The following WDPCP variants were observed in gnomAD, a reference collection of about 807,000 sequenced individuals.
The protein encoded by WDPCP is WD repeat-containing and planar cell polarity effector protein fritz homolog.
WDPCP carries 71 observed loss-of-function variants against 93.1 expected under a neutral mutation model. That is an observed-to-expected ratio of 0.76 (90% CI 0.63 to 0.93). The LOEUF (loss-of-function observed/expected upper bound fraction) is 0.93, where lower values mean the gene tolerates loss of function less well. Ranked by LOEUF, WDPCP falls within the 40% of genes least tolerant of loss-of-function variation. WDPCP has a pLI of 0.00. For missense variants in WDPCP, 844 were observed against 887.4 expected, an observed-to-expected ratio of 0.95 and a Z score of 0.62; for synonymous variants, 315 against 315.0, an observed-to-expected ratio of 1.00 and a Z score of 0.00.
intron 1 of WDPCP, among the ~76,000 whole-genome samples, chr2:63,499,265 C>A (rs1701404377): frequency 6.6e-6 from 1 of 151,854 alleles, no homozygotes; most frequent in African/African-American, 2.4e-5. Context: ...GGAACAATAC[C>A]CAAAAGAATA....
chr2:63,572,701 C>CAAAAAAAAAAAAAAAAAAAAAAAAAAA lies in WDPCP; in HGVS notation c.75+15495_75+15496insTTTTTTTTTTTTTTTTTTTTTTTTTTT. On this transcript the variant is annotated intron_variant, in intron 1 of 17. Transcript: ENST00000272321. ...TGGGTGACAGAGTGAGACTCTGTCT[C>CAAAAAAAAAAAAAAAAAAAAAAAAAAA]AAAAAAAAAAAAAAAAAAAAAAAAA... 8.1e-4 allele frequency among the ~76,000 whole-genome samples: 20 copies of CAAAAAAAAAAAAAAAAAAAAAAAAAAA among 24,776 alleles called. 1 individual carries two copies. The highest frequency in any genetic ancestry group is 1.1e-3 in the African/African-American group (5 of 4,578). 16.3% of individuals were successfully genotyped at this position (24,776 alleles called of 152,430 possible).
At chr2:63,355,725 C>T (rs976563792) in intron 12 of WDPCP, among the ~76,000 whole-genome samples, 7 of 151,928 alleles carry the variant, frequency 4.6e-5, no homozygotes, top group Non-Finnish European at 8.8e-5. Flanking sequence ...CCCATCTCTA[C>T]TGAAATATAA....
At chr2:63,393,618 C>T (rs938859583) in intron 10 of WDPCP, among the ~76,000 whole-genome samples, 12 of 151,742 alleles carry the variant, frequency 7.9e-5, no homozygotes, top group East Asian at 1.9e-4. Context: ...ATAGCTAACA[C>T]GATCCTAAAC....
intron 1 of WDPCP, among the ~76,000 whole-genome samples, chr2:63,587,638 T>C (rs1289863478): frequency 6.6e-6 from 1 of 152,256 alleles, no homozygotes; most frequent in Non-Finnish European, 1.5e-5. Context: ...ATCTTCCTTT[T>C]AACATCCACA....
chr2:63,328,561 C>A (rs1213334909), intron 12 of WDPCP, among the ~76,000 whole-genome samples: 2 of 152,142 alleles, frequency 1.3e-5, no homozygotes, highest in African/African-American at 4.8e-5. Flanking sequence ...CATGAAGGAA[C>A]AAATTCTGGA....
intron 14 of WDPCP, among the ~76,000 whole-genome samples, chr2:63,222,729 C>T (rs1021676208): frequency 1.3e-5 from 2 of 152,142 alleles, no homozygotes; most frequent in African/African-American, 4.8e-5. Context: ...ATTTTGTGTA[C>T]AGGTATAAGC....
intron 6 of WDPCP, among the ~76,000 whole-genome samples, chr2:63,473,733 C>T (rs897961640): frequency 6.6e-6 from 1 of 151,938 alleles, no homozygotes. Context: ...CATTGCTTTA[C>T]TATAATTTAG....
At chr2:63,132,794 A>G (rs1176237471) in intron 17 of WDPCP, among the ~76,000 whole-genome samples, 2 of 152,060 alleles carry the variant, frequency 1.3e-5, no homozygotes, top group African/African-American at 4.8e-5. Flanking sequence ...CTGTTTGAAC[A>G]TATTTAAAAC....
intron 12 of WDPCP, among the ~76,000 whole-genome samples, chr2:63,375,964 T>C (rs1435015038): frequency 2.6e-5 from 4 of 151,956 alleles, no homozygotes; most frequent in Non-Finnish European, 5.9e-5. Flanking sequence ...GGATATTCCA[T>C]TGTCTAATAT....
At chr2:63,755,582 C>A (rs576126683) in intron 2 of WDPCP, among the ~76,000 whole-genome samples, 28 of 152,188 alleles carry the variant, frequency 1.8e-4, no homozygotes, top group African/African-American at 6.5e-4. Flanking sequence ...CTTTATGTAC[C>A]CAAACCTACA....
chr2:63,161,475 T>A (rs930275384), intron 15 of WDPCP, among the ~76,000 whole-genome samples: 4 of 152,216 alleles, frequency 2.6e-5, no homozygotes, highest in Non-Finnish European at 5.9e-5. Context: ...AAAGGACATT[T>A]CTGGCTGTTC....
intron 2 of WDPCP, among the ~76,000 whole-genome samples, chr2:63,765,846 G>A (rs535374532): frequency 1.3e-4 from 20 of 152,304 alleles, no homozygotes; most frequent in Admixed American, 3.9e-4. Flanking sequence ...TTGTAGGAAG[G>A]ATGCAGCCAT....
chr2:63,787,267 G>A (rs1670481168), intron 2 of WDPCP, among the ~76,000 whole-genome samples: 1 of 152,192 alleles, frequency 6.6e-6, no homozygotes, highest in Non-Finnish European at 1.5e-5. Context: ...GTGCCTTCAG[G>A]ATAGAAGAGA....
chr2:63,462,242 T>C (rs1699064726), intron 6 of WDPCP, among the ~76,000 whole-genome samples: 1 of 152,132 alleles, frequency 6.6e-6, no homozygotes, highest in Admixed American at 6.5e-5. Context: ...CAGCAAGCTA[T>C]CACAAGGACA....
At chr2:63,611,914 A>G (rs1200617914) in intron 3 of WDPCP, among the ~76,000 whole-genome samples, 1 of 152,232 alleles carries the variant, frequency 6.6e-6, no homozygotes, top group Non-Finnish European at 1.5e-5. Flanking sequence ...AGCACAATTG[A>G]GTAAAGCACT....
chr2:63,266,178 A>G (rs928739178), intron 13 of WDPCP, among the ~76,000 whole-genome samples: 1 of 152,234 alleles, frequency 6.6e-6, no homozygotes, highest in Non-Finnish European at 1.5e-5. Flanking sequence ...ATGGAAAAGA[A>G]ATAAAAAGTA....
At chr2:63,620,550 C>A (rs1709724078) in intron 3 of WDPCP, among the ~76,000 whole-genome samples, 1 of 152,214 alleles carries the variant, frequency 6.6e-6, no homozygotes, top group Non-Finnish European at 1.5e-5. Flanking sequence ...AAATTCCCAT[C>A]TCCCTGGGAC....
At chr2:63,203,210 C>T (rs1676058832) in intron 14 of WDPCP, among the ~76,000 whole-genome samples, 1 of 151,870 alleles carries the variant, frequency 6.6e-6, no homozygotes, top group African/African-American at 2.4e-5. Context: ...TAGATCTTTA[C>T]AGAGTATATG....
At chr2:63,688,815 C>T (rs987025731) in intron 2 of WDPCP, among the ~76,000 whole-genome samples, 1 of 151,968 alleles carries the variant, frequency 6.6e-6, no homozygotes, top group Non-Finnish European at 1.5e-5. Flanking sequence ...ATTTGATTGC[C>T]AATATAATGA....
Sources: allele counts gnomAD v4.1 joint callset (sites outside exome capture counted in the v4.1 genomes callset), GRCh38; gene constraint gnomAD v4.1.1; transcripts MANE v1.5; gene names NCBI Gene and HGNC (gene_info 2026-07-23, HGNC 2026-07-21).